Variants in CSE1L observed in about 807,000 individuals in gnomAD.
CSE1L encodes chromosome segregation 1 like.
In CSE1L, 24 loss-of-function variants were observed where a neutral mutation model predicts 120.4. The observed-to-expected ratio is 0.20, with a 90% CI of 0.14 to 0.28. The LOEUF is 0.28. CSE1L is among the 10% of genes least tolerant of loss of function. The pLI, the probability that CSE1L is intolerant of heterozygous loss-of-function variation, is 1.00. For synonymous variants in CSE1L, 402 were observed against 398.3 expected, an observed-to-expected ratio of 1.01 and a Z score of -0.11; for missense variants, 830 against 1,145.2, an observed-to-expected ratio of 0.72 and a Z score of 3.97.
At chr20:49,047,346 A>G (rs1411924148) in intron 1 of CSE1L, among the ~76,000 whole-genome samples, 1 of 151,914 alleles carries the variant, frequency 6.6e-6, no homozygotes, top group African/African-American at 2.4e-5. Flanking sequence ...TTGTTTATTC[A>G]TCTCTCCCAC....
intron 12 of CSE1L, 133 bp downstream of exon 12, chr20:49,075,653 C>T (rs538035642): frequency 5.4e-6 from 4 of 747,276 alleles, no homozygotes; most frequent in Non-Finnish European, 8.6e-6. Flanking sequence ...TTTATATAAT[C>T]TCTGAAGATG....
chr20:49,058,333 TA>T, intron 1 of CSE1L, 119 bp from the exon 2 acceptor site: 2 of 588,838 alleles, frequency 3.4e-6, no homozygotes, highest in East Asian at 3.0e-5. Flanking sequence ...ACTGCCCATA[TA>T]AAAAACAACA....
chr20:49,085,240 C>A, intron 15 of CSE1L, 43 bp from the exon 16 acceptor site: 3 of 1,479,368 alleles, frequency 2.0e-6, no homozygotes, highest in Non-Finnish European at 2.8e-6. Flanking sequence ...CAGTGACAAG[C>A]TCAAGAGTTG....
At chr20:49,079,195 C>T (rs998476443) in intron 14 of CSE1L, among the ~76,000 whole-genome samples, 18 of 131,186 alleles carry the variant, frequency 1.4e-4, no homozygotes, top group African/African-American at 5.1e-4. Context: ...ACCCAACTGC[C>T]TTCCTTTCCT....
chr20:49,053,347 C>CTTTTTTTTTT (rs11419181), intron 1 of CSE1L, among the ~76,000 whole-genome samples: 1 of 63,750 alleles, frequency 1.6e-5, no homozygotes. Context: ...AGCAAACTAA[C>CTTTTTTTTTT]TTTTTTTTTT....
intron 2 of CSE1L, among the ~76,000 whole-genome samples, chr20:49,061,112 C>G (rs138889543): frequency 2.6e-5 from 4 of 151,428 alleles, no homozygotes; most frequent in Admixed American, 6.6e-5. Flanking sequence ...GTTAATGGCT[C>G]TAATCTTTAA....
chr20:49,092,353 A>G (rs1166436285), intron 22 of CSE1L, among the ~76,000 whole-genome samples: 1 of 151,890 alleles, frequency 6.6e-6, no homozygotes, highest in Non-Finnish European at 1.5e-5. Context: ...AGGAGGGCGG[A>G]TTTAGCTCAG....
At chr20:49,067,525 G>A (rs1236959804) in intron 6 of CSE1L, among the ~76,000 whole-genome samples, 1 of 152,058 alleles carries the variant, frequency 6.6e-6, no homozygotes, top group Non-Finnish European at 1.5e-5. Flanking sequence ...TGTTATAAAA[G>A]CAAATCCCAA....
At chr20:49,070,379 T>C (rs2091923418) in intron 8 of CSE1L, 82 bp downstream of exon 8, 1 of 682,364 alleles carries the variant, frequency 1.5e-6, no homozygotes, top group African/African-American at 1.8e-5. Context: ...CTATTTACTC[T>C]TGCATTGTTA....
chr20:49,085,450 C>CT (rs1461849873), intron 16 of CSE1L, 64 bp downstream of exon 16: 2 of 1,093,636 alleles, frequency 1.8e-6, no homozygotes, highest in South Asian at 1.3e-5. Flanking sequence ...GGTGAGCACT[C>CT]TGAGTTATAC....
At chr20:49,093,410 A>G (rs1190283718) in intron 22 of CSE1L, among the ~76,000 whole-genome samples, 1 of 152,170 alleles carries the variant, frequency 6.6e-6, no homozygotes, top group Non-Finnish European at 1.5e-5. Context: ...AACAACATAG[A>G]ATGATTGGCC....
intron 10 of CSE1L, among the ~76,000 whole-genome samples, chr20:49,073,376 G>A (rs2091946372): frequency 6.6e-6 from 1 of 152,166 alleles, no homozygotes. Context: ...CAAGGTTGAA[G>A]CCCACTTAGT....
chr20:49,052,569 G>A (rs1186728873), intron 1 of CSE1L, among the ~76,000 whole-genome samples: 1 of 152,126 alleles, frequency 6.6e-6, no homozygotes, highest in Non-Finnish European at 1.5e-5. Flanking sequence ...AGGAGATGAG[G>A]TCAGTAGATA....
At chr20:49,064,890 C>T (rs534628851) in intron 3 of CSE1L, among the ~76,000 whole-genome samples, 1 of 151,354 alleles carries the variant, frequency 6.6e-6, no homozygotes, top group Middle Eastern at 3.4e-3. Context: ...TATGGTGGCT[C>T]ACACCTGTAA....
At chr20:49,047,463 C>T (rs1015725506) in intron 1 of CSE1L, among the ~76,000 whole-genome samples, 2 of 151,296 alleles carry the variant, frequency 1.3e-5, no homozygotes, top group African/African-American at 2.4e-5. Context: ...GAAGTACCAA[C>T]ATTTTTGCAA....
chr20:49,061,872 A>C (rs1342784772), intron 2 of CSE1L, among the ~76,000 whole-genome samples: 1 of 152,068 alleles, frequency 6.6e-6, no homozygotes, highest in African/African-American at 2.4e-5. Flanking sequence ...AGAGTATAAA[A>C]ATAATCTGGT....
At chr20:49,085,001 C>G (rs181108871) in intron 15 of CSE1L, among the ~76,000 whole-genome samples, 2 of 152,250 alleles carry the variant, frequency 1.3e-5, no homozygotes, top group African/African-American at 4.8e-5. Context: ...AGTTCTTTCT[C>G]AGTGGTAATA....
rs780432396 is a variant in CSE1L, at chr20:49,090,732, T to G, written c.2182-10T>G. The G allele has an allele frequency of 3.7e-6, 6 of 1,609,854 alleles. No individual in the cohort carries two copies. Among genetic ancestry groups the G allele is most frequent in the Non-Finnish European group, 4.2e-6 (5 of 1,177,478 alleles). ...TTAACCATTTTCTGTTGGATCTCAT[T>G]TCTTAACAGCCTGGGTTACTAGGTG... On this transcript the variant is annotated splice_polypyrimidine_tract_variant and intron_variant, in intron 19 of 24. Transcript: ENST00000262982.
intron 14 of CSE1L, among the ~76,000 whole-genome samples, chr20:49,080,927 C>T (rs969858470): frequency 2.0e-5 from 3 of 152,028 alleles, no homozygotes; most frequent in African/African-American, 7.2e-5. Flanking sequence ...TAGGTGTGTG[C>T]CACACCACCT....
Sources: gnomAD v4.1 joint callset for allele counts (sites outside exome capture counted in the v4.1 genomes callset) on GRCh38, gnomAD v4.1.1 for gene constraint, MANE v1.5 for transcripts, NCBI Gene and HGNC (gene_info 2026-07-23, HGNC 2026-07-21) for gene names.